TENM3: variants seen among roughly 807,000 people sequenced by gnomAD.
TENM3 encodes teneurin transmembrane protein 3.
Under a neutral mutation model 255.1 loss-of-function variants are expected in TENM3, and 63 were observed. The ratio of observed to expected loss-of-function variants is 0.25; its 90% CI spans 0.20 to 0.30. TENM3 has a LOEUF of 0.30. TENM3 is among the 10% of genes least tolerant of loss of function. The probability of loss-of-function intolerance (pLI) is 1.00; values close to 1 mark genes in which losing one functional copy is unlikely to be tolerated. For missense variants in TENM3, 2,929 were observed against 3,461.1 expected (o/e 0.85, Z 3.86); for synonymous variants, 1,306 against 1,322.3 (o/e 0.99, Z 0.27).
chr4:181,648,371 A>G, the TENM3 span, among the ~76,000 whole-genome samples: 1 of 152,038 alleles, frequency 6.6e-6, no homozygotes, highest in African/African-American at 2.4e-5. Context: ...GAGCCACTAA[A>G]CTGACTCATA....
intron 1 of TENM3, among the ~76,000 whole-genome samples, chr4:182,237,863 G>A (rs182096120): frequency 6.6e-6 from 1 of 152,132 alleles, no homozygotes; most frequent in African/African-American, 2.4e-5. Context: ...CTGCTTTCTG[G>A]GTTTTAGGAT....
chr4:182,209,717 A>C (rs1184524191), intron 1 of TENM3, among the ~76,000 whole-genome samples: 1 of 152,078 alleles, frequency 6.6e-6, no homozygotes, highest in Non-Finnish European at 1.5e-5. Context: ...ACAGTAGCTG[A>C]ATAGGACCTT....
intron 3 of TENM3, among the ~76,000 whole-genome samples, chr4:182,431,067 CTGACTT>C (rs1771606506): frequency 6.6e-6 from 1 of 151,548 alleles, no homozygotes; most frequent in Non-Finnish European, 1.5e-5. Flanking sequence ...AAATAAATAA[CTGACTT>C]TGGTAGCATG....
At chr4:181,500,729 G>A in the TENM3 span, among the ~76,000 whole-genome samples, 11 of 151,956 alleles carry the variant, frequency 7.2e-5, no homozygotes, top group South Asian at 2.1e-4. Flanking sequence ...TACTTTTATC[G>A]ATAATACGAG....
intron 1 of TENM3, among the ~76,000 whole-genome samples, chr4:182,271,385 C>CT (rs1045669933): frequency 5.3e-5 from 8 of 152,142 alleles, no homozygotes; most frequent in Admixed American, 4.6e-4. Context: ...AACAAAAGCT[C>CT]TTTTTTCTCC....
intron 22 of TENM3, among the ~76,000 whole-genome samples, chr4:182,755,554 A>T (rs1762670189): frequency 6.6e-6 from 1 of 151,902 alleles, no homozygotes; most frequent in African/African-American, 2.4e-5. Context: ...AAGAAAAAAA[A>T]ATGGCCGGGC....
chr4:181,593,380 A>G, the TENM3 span, among the ~76,000 whole-genome samples: 2 of 152,142 alleles, frequency 1.3e-5, no homozygotes, highest in Non-Finnish European at 2.9e-5. Context: ...TTGCATATAC[A>G]CTTTTGTGTA....
intron 1 of TENM3, among the ~76,000 whole-genome samples, chr4:182,278,745 C>T (rs550345368): frequency 5.9e-5 from 9 of 152,006 alleles, no homozygotes; most frequent in Middle Eastern, 3.4e-3. Flanking sequence ...ATGCCTCCAG[C>T]GCATACAGTG....
chr4:182,717,060 A>AAGT (rs1759253906), intron 13 of TENM3, among the ~76,000 whole-genome samples: 1 of 2,124 alleles, frequency 4.7e-4, no homozygotes, highest in Admixed American at 0.013. Flanking sequence ...CCCGGAACTA[A>AAGT]AGAAGTATCA....
the TENM3 span, among the ~76,000 whole-genome samples, chr4:182,063,570 AC>A: frequency 6.6e-6 from 1 of 152,256 alleles, no homozygotes. Flanking sequence ...AAGACCTTGG[AC>A]ATAAAATCCA....
At chr4:182,017,477 T>C in the TENM3 span, among the ~76,000 whole-genome samples, 2 of 152,218 alleles carry the variant, frequency 1.3e-5, no homozygotes, top group African/African-American at 4.8e-5. Context: ...GTATATAATG[T>C]TTAGCCTTTT....
chr4:182,304,681 G>T (rs1353118178), intron 1 of TENM3, among the ~76,000 whole-genome samples: 2 of 152,184 alleles, frequency 1.3e-5, no homozygotes, highest in Non-Finnish European at 2.9e-5. Flanking sequence ...AGAGGAGGGG[G>T]TGGAAAATGA....
At chr4:182,528,801 A>T (rs1739486762) in intron 3 of TENM3, among the ~76,000 whole-genome samples, 1 of 152,232 alleles carries the variant, frequency 6.6e-6, no homozygotes, top group Non-Finnish European at 1.5e-5. Flanking sequence ...AAGTTTTAAA[A>T]AATAGCAAAA....
At chr4:182,418,853 G>A (rs113238171) in intron 3 of TENM3, among the ~76,000 whole-genome samples, 3 of 152,116 alleles carry the variant, frequency 2.0e-5, no homozygotes, top group African/African-American at 4.8e-5. Context: ...GTGTGCCACC[G>A]TGCCAGGCCA....
intron 3 of TENM3, among the ~76,000 whole-genome samples, chr4:182,492,928 A>G (rs1735438751): frequency 6.6e-6 from 1 of 152,066 alleles, no homozygotes; most frequent in Non-Finnish European, 1.5e-5. Flanking sequence ...AATTGTCAGC[A>G]AAGGATATTA....
At chr4:181,830,883 C>A in the TENM3 span, among the ~76,000 whole-genome samples, 23 of 152,244 alleles carry the variant, frequency 1.5e-4, no homozygotes, top group African/African-American at 5.1e-4. Context: ...GAAGTTTTTA[C>A]TATTTTCAGT....
the TENM3 span, among the ~76,000 whole-genome samples, chr4:182,038,985 G>C: frequency 1.2e-3 from 185 of 152,088 alleles, 6 homozygotes; most frequent in East Asian, 0.033. Flanking sequence ...CACCCGCCCC[G>C]GCCTTCCAAA....
chr4:181,503,548 T>G, the TENM3 span, among the ~76,000 whole-genome samples: 1 of 152,328 alleles, frequency 6.6e-6, no homozygotes, highest in East Asian at 1.9e-4. Flanking sequence ...AAGCAAGTTA[T>G]GTGGGAAGTT....
At chr4:181,991,525 C>T in the TENM3 span, among the ~76,000 whole-genome samples, 6 of 152,082 alleles carry the variant, frequency 3.9e-5, no homozygotes, top group South Asian at 2.1e-4. Flanking sequence ...TGAACCCAAA[C>T]GCAGGTTGTG....
Sources: allele counts gnomAD v4.1 joint callset (sites outside exome capture counted in the v4.1 genomes callset), GRCh38; gene constraint gnomAD v4.1.1; transcripts MANE v1.5; gene names NCBI Gene and HGNC (gene_info 2026-07-23, HGNC 2026-07-21).